PBK: variants seen among roughly 807,000 people sequenced by gnomAD.
The protein encoded by PBK is PDZ binding kinase.
A neutral mutation model predicts 33.5 loss-of-function variants in PBK; 22 were observed. The observed-to-expected ratio is 0.66, with a 90% confidence interval of 0.47 to 0.94. PBK has a LOEUF of 0.94. Ranked by LOEUF, PBK falls within the 40% of genes least tolerant of loss-of-function variation. The pLI, the probability that PBK is intolerant of heterozygous loss-of-function variation, is 0.00. For synonymous variants in PBK, 129 were observed against 123.8 expected (o/e 1.04, Z -0.28); for missense variants, 376 against 383.4 (o/e 0.98, Z 0.16).
chr8:27,826,750 C>T (rs982661476), intron 3 of PBK, among the ~76,000 whole-genome samples: 1 of 104,678 alleles, frequency 9.6e-6, no homozygotes, highest in Non-Finnish European at 1.8e-5. Flanking sequence ...GAGCCGAGAT[C>T]GCGCCACTGC....
At chr8:27,819,653 C>T (rs1805881868) in intron 6 of PBK, among the ~76,000 whole-genome samples, 1 of 152,026 alleles carries the variant, frequency 6.6e-6, no homozygotes, top group Admixed American at 6.5e-5. Flanking sequence ...TATTATGGTG[C>T]AGAGGTACTT....
chr8:27,834,688 G>C (rs776812431), intron 1 of PBK, among the ~76,000 whole-genome samples: 1 of 152,162 alleles, frequency 6.6e-6, no homozygotes, highest in Non-Finnish European at 1.5e-5. Context: ...GACATCAGGA[G>C]TTCAAGACCA....
intron 1 of PBK, among the ~76,000 whole-genome samples, chr8:27,834,965 T>G (rs531280292): frequency 6.6e-6 from 1 of 152,168 alleles, no homozygotes; most frequent in South Asian, 2.1e-4. Flanking sequence ...CTCAATGTGT[T>G]TACTTCTTCG....
chr8:27,836,265 G>A (rs1386225564), intron 1 of PBK, among the ~76,000 whole-genome samples: 2 of 152,024 alleles, frequency 1.3e-5, no homozygotes, highest in African/African-American at 2.4e-5. Context: ...CTAGCAAGGG[G>A]GAGAATGAGA....
At chr8:27,816,691 A>G (rs1480791634) in intron 6 of PBK, among the ~76,000 whole-genome samples, 1 of 151,996 alleles carries the variant, frequency 6.6e-6, no homozygotes, top group African/African-American at 2.4e-5. Context: ...ACTATATTTT[A>G]GTTGTGAAAT....
chr8:27,816,387 A>AT lies in PBK; in HGVS notation c.595+4177dup, dbSNP rs1244707079. Among the ~76,000 whole-genome samples the AT allele has an allele frequency of 5.9e-4, 59 of 100,286 alleles. No homozygotes were observed. The South Asian group carries it at 0.01, about 17-fold the overall frequency. 65.8% of individuals were successfully genotyped at this position (100,286 alleles called of 152,430 possible). On this transcript the variant is annotated intron_variant, in intron 6 of 7. Transcript: ENST00000301905. ...TTTATTTATTTATTTATTTTAATTTATTTTTTTTTGAGATGGAATCTCGCT... is the reference window on the plus strand; with the variant it reads ...TTTATTTATTTATTTATTTTAATTTATTTTTTTTTTGAGATGGAATCTCGCT...
At chr8:27,827,345 G>A (rs1585432168) in intron 3 of PBK, among the ~76,000 whole-genome samples, 1 of 152,204 alleles carries the variant, frequency 6.6e-6, no homozygotes, top group East Asian at 1.9e-4. Context: ...GCCAGAGTTC[G>A]AGACCAGCCT....
At chr8:27,810,821 T>A in intron 7 of PBK, 137 bp downstream of exon 7, 1 of 656,580 alleles carries the variant, frequency 1.5e-6, no homozygotes, top group South Asian at 2.0e-5. Flanking sequence ...TCAATCTATG[T>A]CTCATTTGTG....
intron 2 of PBK, among the ~76,000 whole-genome samples, chr8:27,832,468 C>T (rs1037239416): frequency 1.1e-4 from 17 of 152,156 alleles, no homozygotes; most frequent in Non-Finnish European, 2.2e-4. Context: ...TGTCTTTCTT[C>T]ATCCACAAAT....
intron 1 of PBK, among the ~76,000 whole-genome samples, chr8:27,835,077 T>C (rs1806203730): frequency 1.3e-5 from 2 of 152,158 alleles, no homozygotes; most frequent in Admixed American, 1.3e-4. Flanking sequence ...TGTTCCTACA[T>C]GTCTATAAGC....
At chr8:27,833,024 T>TA (rs551214377) in intron 2 of PBK, 32 bp downstream of exon 2, 13,599 of 998,366 alleles carry the variant, frequency 0.014, no homozygotes, top group Non-Finnish European at 0.015. Flanking sequence ...ACAACAATAG[T>TA]AAAAAAAAAA....
At chr8:27,816,588 G>C (rs1805819966) in intron 6 of PBK, among the ~76,000 whole-genome samples, 1 of 151,638 alleles carries the variant, frequency 6.6e-6, no homozygotes, top group Admixed American at 6.6e-5. Flanking sequence ...GTGTTAGCCA[G>C]GATGGTCTCA....
intron 4 of PBK, 86 bp downstream of exon 4, chr8:27,822,977 T>C: frequency 1.2e-6 from 1 of 814,674 alleles, no homozygotes; most frequent in East Asian, 2.6e-5. Flanking sequence ...TTCATTTCTA[T>C]TAGTGAAACC....
intron 1 of PBK, among the ~76,000 whole-genome samples, chr8:27,835,839 A>G (rs1278814601): frequency 6.6e-6 from 1 of 152,196 alleles, no homozygotes. Context: ...GTGAGCCACC[A>G]CATCCAGCTT....
At chr8:27,811,595 A>C (rs1211669668) in intron 6 of PBK, among the ~76,000 whole-genome samples, 1 of 152,218 alleles carries the variant, frequency 6.6e-6, no homozygotes, top group Non-Finnish European at 1.5e-5. Flanking sequence ...CCAATCACAC[A>C]TAGGCTCTTT....
chr8:27,834,009 G>A (rs1057159650), intron 1 of PBK, among the ~76,000 whole-genome samples: 2 of 150,398 alleles, frequency 1.3e-5, no homozygotes, highest in Non-Finnish European at 2.9e-5. Context: ...GACACATAAA[G>A]GCTACATATA....
At chr8:27,828,233 A>G in intron 2 of PBK, 35 bp from the exon 3 acceptor site, 1 of 939,146 alleles carries the variant, frequency 1.1e-6, no homozygotes. Context: ...AAAATTAATA[A>G]AAAATAAAAA....
rs1164668153 is a variant in PBK, at chr8:27,810,290, C to T, written c.*15G>A. 3.8e-6 allele frequency: 6 copies of T among 1,574,266 alleles called. No individual in the cohort carries two copies. Among genetic ancestry groups the T allele is most frequent in the Non-Finnish European group, 4.4e-6 (5 of 1,145,428 alleles). Reference sequence around the variant, plus strand: ...ACAGTTATTTACGCAAGCCACACTTCAGCTGAGATGATCACTAGACATCTG... The same window carrying T: ...ACAGTTATTTACGCAAGCCACACTTTAGCTGAGATGATCACTAGACATCTG... On this transcript the variant is annotated 3_prime_UTR_variant, in exon 8 of 8. Transcript: ENST00000301905.
At chr8:27,830,089 A>G (rs12335133) in intron 2 of PBK, among the ~76,000 whole-genome samples, 23,691 of 141,186 alleles carry the variant, frequency 0.17, 2,304 homozygotes, top group East Asian at 0.39. Context: ...TGTAATCCCG[A>G]CTACTCGGGA....
Sources: allele counts gnomAD v4.1 joint callset (sites outside exome capture counted in the v4.1 genomes callset), GRCh38; gene constraint gnomAD v4.1.1; transcripts MANE v1.5; gene names NCBI Gene and HGNC (gene_info 2026-07-23, HGNC 2026-07-21).